MSN: variants seen among roughly 807,000 people sequenced by gnomAD.
MSN encodes the protein epididymis luminal protein 70.
A neutral mutation model predicts 48.0 loss-of-function variants in MSN; 2 were observed. The ratio of observed to expected loss-of-function variants is 0.04; its 90% confidence interval spans 0.02 to 0.13. The LOEUF is 0.13. Ranked by LOEUF, MSN falls within the 10% of genes least tolerant of loss-of-function variation. The pLI is 1.00. For missense variants in MSN, 267 were observed against 470.1 expected, an observed-to-expected ratio of 0.57 and a Z score of 3.99; for synonymous variants, 146 against 166.9, an observed-to-expected ratio of 0.87 and a Z score of 0.97.
At chrX:65,713,989 A>G (rs752544354) in intron 1 of MSN, among the ~76,000 whole-genome samples, 1 of 111,625 alleles carries the variant, frequency 9.0e-6, no homozygotes, top group Admixed American at 9.5e-5. Context: ...TATATTGTCC[A>G]GGCTGGTCTT....
At chrX:65,721,086 G>C (rs949669165) in intron 2 of MSN, among the ~76,000 whole-genome samples, 1 of 112,078 alleles carries the variant, frequency 8.9e-6, no homozygotes, top group African/African-American at 3.2e-5. Flanking sequence ...AATATTGACT[G>C]AAGGTCTACA....
chrX:65,664,122 G>A (rs764629449), upstream of MSN, among the ~76,000 whole-genome samples: 4 of 110,739 alleles, frequency 3.6e-5, no homozygotes, highest in South Asian at 3.9e-4. Context: ...CATATACACC[G>A]TGGAATACTA....
chrX:65,608,424 A>T (rs758485230), intron 1 of MSN, among the ~76,000 whole-genome samples: 2 of 110,545 alleles, frequency 1.8e-5, no homozygotes, highest in African/African-American at 6.6e-5. Context: ...CCATGCAGGA[A>T]TATGTGTATG....
chrX:65,638,301 C>T (rs182626638), intron 1 of MSN, among the ~76,000 whole-genome samples: 4 of 112,286 alleles, frequency 3.6e-5, no homozygotes, highest in Admixed American at 9.5e-5. Context: ...AGAACTCCTG[C>T]TCACTCTTTA....
chrX:65,617,314 C>T (rs759818573), intron 1 of MSN, among the ~76,000 whole-genome samples: 119 of 110,930 alleles, frequency 1.1e-3, no homozygotes, highest in Middle Eastern at 9.2e-3. Context: ...TGGTAGAATT[C>T]GCCTGTGAAT....
intron 1 of MSN, among the ~76,000 whole-genome samples, chrX:65,637,077 A>G (rs1206244652): frequency 3.2e-4 from 33 of 103,006 alleles, no homozygotes; most frequent in African/African-American, 1.1e-3. Context: ...ACGACACAGC[A>G]AGATTCGGTC....
chrX:65,732,896 G>A (rs2071636403), intron 6 of MSN, among the ~76,000 whole-genome samples: 1 of 111,638 alleles, frequency 9.0e-6, no homozygotes. Context: ...TGGCTGAGCT[G>A]TCACTGAGTC....
At chrX:65,667,573 G>T, upstream of MSN, 6 of 849,339 alleles carry the variant, frequency 7.1e-6, no homozygotes, top group Non-Finnish European at 8.7e-6. Context: ...CAAGGCCAGC[G>T]GTCGGCGGGG....
intron 1 of MSN, among the ~76,000 whole-genome samples, chrX:65,599,895 C>T (rs2070219848): frequency 9.0e-6 from 1 of 110,957 alleles, no homozygotes; most frequent in Non-Finnish European, 1.9e-5. Context: ...GCAGTAAGAA[C>T]AGGGTTGAGT....
At chrX:65,659,509 C>T (rs1449347056) in intron 1 of MSN, among the ~76,000 whole-genome samples, 6 of 111,818 alleles carry the variant, frequency 5.4e-5, no homozygotes, top group Non-Finnish European at 1.1e-4. Flanking sequence ...CTTTGATGCC[C>T]AGACTTGCTG....
intron 1 of MSN, among the ~76,000 whole-genome samples, chrX:65,686,161 A>G (rs1453923438): frequency 8.8e-6 from 1 of 113,055 alleles, no homozygotes; most frequent in Non-Finnish European, 1.9e-5. Flanking sequence ...ATTCTAGCCT[A>G]GTGGTCACTG....
chrX:65,721,903 C>T (rs942067047), intron 2 of MSN, among the ~76,000 whole-genome samples: 3 of 110,847 alleles, frequency 2.7e-5, no homozygotes, highest in Non-Finnish European at 3.8e-5. Context: ...GGCAACATAG[C>T]GAGACCCCAT....
intron 1 of MSN, among the ~76,000 whole-genome samples, chrX:65,610,553 C>A (rs1465324849): frequency 8.9e-6 from 1 of 112,022 alleles, no homozygotes. Context: ...GTGAATAATG[C>A]TGCAGTGAAC....
At chrX:65,715,132 G>A (rs1467666995) in intron 1 of MSN, among the ~76,000 whole-genome samples, 3 of 110,669 alleles carry the variant, frequency 2.7e-5, no homozygotes, top group Non-Finnish European at 5.7e-5. Context: ...ATGGTTGTAG[G>A]TGTGTGGCCT....
At chrX:65,717,550 C>G (rs779567436) in intron 2 of MSN, among the ~76,000 whole-genome samples, 1 of 112,227 alleles carries the variant, frequency 8.9e-6, no homozygotes, top group African/African-American at 3.2e-5. Context: ...CAAGGGGTGT[C>G]CCTTCATTGT....
Position 65,599,548 on chromosome X carries a change from A to C in MSN, c.-22+10936A>C, listed in dbSNP as rs754360295. On this transcript the variant is annotated intron_variant, in intron 1 of 3. Transcript: ENST00000609672. ...CTCGGTAGGCTGAGGCAGGAGAATCACTTGAACCCGTAAGGCGGAGGTTGC... is the reference window on the plus strand; with the variant it reads ...CTCGGTAGGCTGAGGCAGGAGAATCCCTTGAACCCGTAAGGCGGAGGTTGC... Among the ~76,000 whole-genome samples, 347 of 112,272 alleles carry C rather than the reference A, an allele frequency of 3.1e-3. 2 individuals carry two copies. Among genetic ancestry groups the C allele is most frequent in the African/African-American group, 0.011 (331 of 30,912 alleles).
At chrX:65,630,755 C>A (rs975183326) in intron 1 of MSN, among the ~76,000 whole-genome samples, 7 of 111,864 alleles carry the variant, frequency 6.3e-5, no homozygotes, top group Non-Finnish European at 1.1e-4. Flanking sequence ...TAAATGAAAT[C>A]ATACATTTTG....
chrX:65,694,213 C>T (rs962122022), intron 1 of MSN, among the ~76,000 whole-genome samples: 2 of 111,620 alleles, frequency 1.8e-5, no homozygotes, highest in Admixed American at 1.9e-4. Flanking sequence ...GGCTGAGTTC[C>T]CTAAGTCTTT....
At chrX:65,621,642 A>G (rs1180752205) in intron 1 of MSN, among the ~76,000 whole-genome samples, 2 of 111,909 alleles carry the variant, frequency 1.8e-5, no homozygotes, top group Non-Finnish European at 3.8e-5. Context: ...TTTGAGGATT[A>G]GCCTTCCCAT....
Sources: allele counts gnomAD v4.1 joint callset (sites outside exome capture counted in the v4.1 genomes callset), GRCh38; gene constraint gnomAD v4.1.1; transcripts MANE v1.5; gene names NCBI Gene and HGNC (gene_info 2026-07-23, HGNC 2026-07-21).